The following ARHGAP35 variants were observed in gnomAD, a reference collection of about 807,000 sequenced individuals.
The protein encoded by ARHGAP35 is rho GTPase-activating protein 35.
A neutral mutation model predicts 111.1 loss-of-function variants in ARHGAP35; 15 were observed. The ratio of observed to expected loss-of-function variants is 0.13; its 90% CI spans 0.09 to 0.21. The LOEUF (loss-of-function observed/expected upper bound fraction) is 0.21. Ranked by LOEUF, ARHGAP35 falls within the 10% of genes least tolerant of loss-of-function variation. ARHGAP35 has a pLI of 1.00. For missense variants in ARHGAP35, 1,262 were observed against 1,873.0 expected, an observed-to-expected ratio of 0.67 and a Z score of 6.02; for synonymous variants, 643 against 710.3, an observed-to-expected ratio of 0.91 and a Z score of 1.51.
intron 1 of ARHGAP35, among the ~76,000 whole-genome samples, chr19:46,884,434 G>A (rs1391600532): frequency 6.6e-6 from 1 of 151,540 alleles, no homozygotes; most frequent in Admixed American, 6.6e-5. Context: ...ACTGCCACAG[G>A]CCAGCTGTTT....
chr19:46,987,048 G>T (rs983552013), intron 3 of ARHGAP35, among the ~76,000 whole-genome samples: 1 of 151,668 alleles, frequency 6.6e-6, no homozygotes, highest in African/African-American at 2.4e-5. Context: ...GGCTGGTCTC[G>T]AACTCCTGAC....
chr19:46,969,318 A>G (rs2056532089), intron 3 of ARHGAP35, among the ~76,000 whole-genome samples: 1 of 152,224 alleles, frequency 6.6e-6, no homozygotes, highest in Non-Finnish European at 1.5e-5. Flanking sequence ...TGAAATAATA[A>G]TCATAATAAA....
chr19:46,918,907 G>A lies in ARHGAP35; in HGVS notation c.232G>A (p.Glu78Lys). ...TAATGACCACTTTCTCTACTGGGGAGAAGTTAGCCGCTCCCTGGAGGATTG... is the reference window on the plus strand; with the variant it reads ...TAATGACCACTTTCTCTACTGGGGAAAAGTTAGCCGCTCCCTGGAGGATTG... ...VNNDHFLYWG[E>K]VSRSLEDCVE... Residue 78 changes from glutamate to lysine, a missense_variant, in exon 2 of 7, where the codon GAA (glutamate) becomes AAA (lysine). Transcript: ENST00000672722. This position sits in a 1 kb window ranked among gnomAD's most constrained non-coding sequence, Gnocchi z 5.4. 1 of 1,614,010 alleles carries A rather than the reference G, an allele frequency of 6.2e-7. No individual in the cohort carries two copies. The highest frequency in any genetic ancestry group is 8.5e-7 in the Non-Finnish European group (1 of 1,179,890).
At chr19:46,973,410 A>G (rs1181198053) in intron 3 of ARHGAP35, among the ~76,000 whole-genome samples, 1 of 152,112 alleles carries the variant, frequency 6.6e-6, no homozygotes, top group Non-Finnish European at 1.5e-5. Context: ...GGCCGGGCGC[A>G]GTGGCTCACG....
intron 3 of ARHGAP35, among the ~76,000 whole-genome samples, chr19:46,943,399 T>C (rs311369): frequency 4.3e-4 from 65 of 152,274 alleles, no homozygotes; most frequent in African/African-American, 1.3e-3. Flanking sequence ...CACGTATGAA[T>C]TGGGCTTACG....
chr19:46,982,091 T>C (rs1020691707), intron 3 of ARHGAP35, among the ~76,000 whole-genome samples: 2 of 152,054 alleles, frequency 1.3e-5, no homozygotes, highest in Non-Finnish European at 2.9e-5. Context: ...CAAGCAATCC[T>C]CCCGCCTTGG....
chr19:46,973,306 G>A (rs1228000243), intron 3 of ARHGAP35, among the ~76,000 whole-genome samples: 1 of 152,208 alleles, frequency 6.6e-6, no homozygotes, highest in Non-Finnish European at 1.5e-5. Context: ...GGAGGTTGCA[G>A]TGAGTCGAGA....
chr19:46,972,635 T>C (rs907074436), intron 3 of ARHGAP35, among the ~76,000 whole-genome samples: 1 of 152,154 alleles, frequency 6.6e-6, no homozygotes, highest in Admixed American at 6.5e-5. Flanking sequence ...AAGACAAAAG[T>C]AGCTTCCTTG....
At position 46,901,638 on chromosome 19, in the gene ARHGAP35, G is replaced by A. The variant is rs570746354; in HGVS notation, c.-188-16850G>A. ...GAGCAAGAGTATACATGTGAAGAAC[G>A]CGTAAGGCTGTGGGGATCCAGGCGA... On this transcript the variant is annotated intron_variant, in intron 1 of 6. Transcript: ENST00000672722. The surrounding 1 kb of genome is among the most constrained non-coding windows in gnomAD (Gnocchi z 4.5). Among the ~76,000 whole-genome samples the A allele has an allele frequency of 1.2e-4, 18 of 152,314 alleles. No homozygotes were observed. The highest frequency in any genetic ancestry group is 9.7e-4 in the East Asian group (5 of 5,178).
At chr19:46,907,884 C>T (rs1021937933) in intron 1 of ARHGAP35, among the ~76,000 whole-genome samples, 4 of 152,138 alleles carry the variant, frequency 2.6e-5, no homozygotes, top group African/African-American at 4.8e-5. Context: ...TTATTACTTG[C>T]GATAGCCTGT....
At chr19:46,930,016 G>A (rs879936686) in intron 2 of ARHGAP35, among the ~76,000 whole-genome samples, 1 of 151,984 alleles carries the variant, frequency 6.6e-6, no homozygotes, top group Non-Finnish European at 1.5e-5. Flanking sequence ...TCCCATCTGG[G>A]CTTCCCAAAG....
chr19:46,965,965 T>C (rs1243429815), intron 3 of ARHGAP35, among the ~76,000 whole-genome samples: 1 of 152,130 alleles, frequency 6.6e-6, no homozygotes, highest in African/African-American at 2.4e-5. Flanking sequence ...TATTGCCCCC[T>C]AGAAGGACTC....
intron 1 of ARHGAP35, among the ~76,000 whole-genome samples, chr19:46,869,063 G>A (rs765890199): frequency 1.3e-5 from 2 of 151,456 alleles, no homozygotes; most frequent in Non-Finnish European, 2.9e-5. Context: ...TTGCCACCAC[G>A]CCTGGCTAGT....
In ARHGAP35 at chr19:46,981,933, A is replaced by G. The variant is rs532671451; in HGVS notation, c.3827-6056A>G. ...CAGTGTTATGGACATGGCTCACTGC[A>G]GCCTCAACCTCCCAGGCTCAAATGA... is the stretch of plus-strand genomic sequence containing the variant. On this transcript the variant is annotated intron_variant, in intron 3 of 6. Coordinates refer to ENST00000672722, the MANE Select transcript of ARHGAP35 (RefSeq NM_004491.5). Among the ~76,000 whole-genome samples the G allele has an allele frequency of 3.3e-5, 5 of 152,274 alleles. No individual in the cohort carries two copies. In the South Asian group the frequency reaches 1.0e-3, roughly 32 times the overall value.
intron 1 of ARHGAP35, among the ~76,000 whole-genome samples, chr19:46,917,562 C>T (rs985482262): frequency 5.3e-5 from 8 of 152,110 alleles, no homozygotes; most frequent in Admixed American, 6.6e-5. Context: ...GAGCCAAGAT[C>T]GCACCACTGC....
At position 46,993,633 on chromosome 19, in the gene ARHGAP35, G is replaced by T. The variant is rs1249685098; in HGVS notation, c.4036+3958G>T. ...CTTGGGGTCTCTATTGTACTAAATTGCTGGATCTGTGTCCAGGCTGTCTTG... is the reference window on the plus strand; with the variant it reads ...CTTGGGGTCTCTATTGTACTAAATTTCTGGATCTGTGTCCAGGCTGTCTTG... On this transcript the variant is annotated intron_variant, in intron 5 of 6. Coordinates refer to ENST00000672722, the MANE Select transcript of ARHGAP35 (RefSeq NM_004491.5). This position sits in a 1 kb window ranked among gnomAD's most constrained non-coding sequence, Gnocchi z 4.6. Among the ~76,000 whole-genome samples, 1 of 152,140 alleles carries T rather than the reference G, an allele frequency of 6.6e-6. No homozygotes were observed. Among genetic ancestry groups the T allele is most frequent in the Non-Finnish European group, 1.5e-5 (1 of 68,032 alleles).
chr19:46,983,963 A>G lies in ARHGAP35; in HGVS notation c.3827-4026A>G, dbSNP rs79226297. Among the ~76,000 whole-genome samples, 1,474 of 152,254 alleles carry G rather than the reference A, an allele frequency of 9.7e-3. 19 individuals carry two copies. The highest frequency in any genetic ancestry group is 0.031 in the African/African-American group (1,304 of 41,522). ...AGCTCTGTCCCCTAGAACCATTGGA[A>G]CAAGACTTTTCTACATGGCCTTGTT... On this transcript the variant is annotated intron_variant, in intron 3 of 6. Coordinates refer to ENST00000672722, the MANE Select transcript of ARHGAP35 (RefSeq NM_004491.5).
Position 46,907,178 on chromosome 19 carries a change from C to T in ARHGAP35, c.-188-11310C>T, listed in dbSNP as rs190574999. Reference sequence around the variant, plus strand: ...TTTGTTTGTTTTTGAGACGGAGTCTCGTTCTGTCGCCAGGCTGGAGTGCAG... The same window carrying T: ...TTTGTTTGTTTTTGAGACGGAGTCTTGTTCTGTCGCCAGGCTGGAGTGCAG... On this transcript the variant is annotated intron_variant, in intron 1 of 6. Coordinates refer to ENST00000672722, the MANE Select transcript of ARHGAP35 (RefSeq NM_004491.5). 3.3e-5 allele frequency among the ~76,000 whole-genome samples: 5 copies of T among 152,316 alleles called. No homozygotes were observed. In the East Asian group the frequency reaches 9.6e-4, roughly 29 times the overall value.
chr19:46,958,605 AGTTGCTCTCT>A (rs1175972609), intron 3 of ARHGAP35, among the ~76,000 whole-genome samples: 3 of 152,154 alleles, frequency 2.0e-5, no homozygotes, highest in Non-Finnish European at 4.4e-5. Context: ...TGCTCCAGGC[AGTTGCTCTCT>A]GTTGCTCTAC....
Sources: allele counts gnomAD v4.1 joint callset (sites outside exome capture counted in the v4.1 genomes callset), GRCh38; gene constraint gnomAD v4.1.1; non-coding constraint Gnocchi (gnomAD v3.1); transcripts MANE v1.5; gene names NCBI Gene and HGNC (gene_info 2026-07-23, HGNC 2026-07-21).